MAPK9: variants seen among roughly 807,000 people sequenced by gnomAD.
MAPK9 encodes mitogen-activated protein kinase 9, also known as Jun kinase.
A neutral mutation model predicts 57.1 loss-of-function variants in MAPK9; 30 were observed. The observed-to-expected ratio is 0.53, with a 90% CI of 0.39 to 0.71. The LOEUF (loss-of-function observed/expected upper bound fraction) is 0.71, where lower values mean the gene tolerates loss of function less well. Ranked by LOEUF, MAPK9 falls within the 30% of genes least tolerant of loss-of-function variation. MAPK9 has a pLI of 0.00. For synonymous variants in MAPK9, 155 were observed against 177.0 expected, an observed-to-expected ratio of 0.88 and a Z score of 0.99; for missense variants, 362 against 521.0, an observed-to-expected ratio of 0.69 and a Z score of 2.97.
intron 2 of MAPK9, among the ~76,000 whole-genome samples, chr5:180,276,339 G>A (rs970858833): frequency 6.6e-6 from 1 of 152,088 alleles, no homozygotes; most frequent in African/African-American, 2.4e-5. Flanking sequence ...ACTCAATATT[G>A]AACACTTTTT....
intron 1 of MAPK9, 38 bp from the exon 2 acceptor site, chr5:180,280,646 G>A: frequency 1.3e-6 from 2 of 1,522,032 alleles, no homozygotes. Flanking sequence ...ATTCTTACCG[G>A]AAGTACATAC....
intron 11 of MAPK9, chr5:180,236,978 T>C (rs191260619): frequency 6.6e-6 from 1 of 152,366 alleles, no homozygotes; most frequent in African/African-American, 2.4e-5. Flanking sequence ...GCATCAACTT[T>C]CAAAGAAATC....
chr5:180,237,380 G>C (rs549742969), intron 11 of MAPK9: 1 of 152,116 alleles, frequency 6.6e-6, no homozygotes, highest in Admixed American at 6.5e-5. Flanking sequence ...TAACGTGAGC[G>C]TTTCATTTAG....
At chr5:180,277,318 A>C (rs1761911050) in intron 2 of MAPK9, among the ~76,000 whole-genome samples, 1 of 152,218 alleles carries the variant, frequency 6.6e-6, no homozygotes, top group Non-Finnish European at 1.5e-5. Flanking sequence ...CTCCTTCTGC[A>C]GGCTCTGGGG....
chr5:180,249,271 T>C, intron 5 of MAPK9, 133 bp from the exon 6 acceptor site: 1 of 849,070 alleles, frequency 1.2e-6, no homozygotes, highest in South Asian at 2.0e-5. Flanking sequence ...GGAACAACTT[T>C]GGAAAATCTT....
At chr5:180,271,928 A>G (rs964603709) in intron 2 of MAPK9, among the ~76,000 whole-genome samples, 7 of 152,236 alleles carry the variant, frequency 4.6e-5, no homozygotes, top group African/African-American at 1.7e-4. Context: ...CTAGATTATT[A>G]TTAGTTTTTA....
chr5:180,284,898 G>GTAAA (rs1434998000), intron 1 of MAPK9, among the ~76,000 whole-genome samples: 1 of 151,994 alleles, frequency 6.6e-6, no homozygotes, highest in African/African-American at 2.4e-5. Flanking sequence ...GCCCAGCTAC[G>GTAAA]TAAACACACA....
At chr5:180,256,553 G>T (rs1456422148) in intron 5 of MAPK9, among the ~76,000 whole-genome samples, 2 of 152,230 alleles carry the variant, frequency 1.3e-5, no homozygotes, top group African/African-American at 4.8e-5. Flanking sequence ...GGAAGCAGCA[G>T]GGAACAAGGT....
chr5:180,264,337 A>T (rs749008109), intron 4 of MAPK9, among the ~76,000 whole-genome samples: 13 of 152,198 alleles, frequency 8.5e-5, no homozygotes, highest in Non-Finnish European at 1.8e-4. Flanking sequence ...GTTGGGCATT[A>T]TGCCTCTCAA....
intron 2 of MAPK9, chr5:180,280,079 G>A (rs1437563331): frequency 6.6e-6 from 3 of 455,764 alleles, no homozygotes; most frequent in Admixed American, 4.7e-5. Flanking sequence ...GGGGAGGGGG[G>A]AAAAGGTGGC....
chr5:180,267,534 G>A (rs1228399116), intron 3 of MAPK9, among the ~76,000 whole-genome samples: 5 of 144,600 alleles, frequency 3.5e-5, no homozygotes, highest in East Asian at 2.0e-4. Context: ...TGCCCTCCAG[G>A]TTGGGCGACA....
At chr5:180,249,252 T>A (rs1269882021) in intron 5 of MAPK9, 114 bp from the exon 6 acceptor site, 1 of 980,312 alleles carries the variant, frequency 1.0e-6, no homozygotes, top group Admixed American at 3.4e-5. Context: ...AACTGAACTC[T>A]GAGATTTGGG....
Position 180,272,420 on chromosome 5 carries a change from C to T in MAPK9, c.123-3011G>A, listed in dbSNP as rs1017907834. 2.0e-4 allele frequency among the ~76,000 whole-genome samples: 30 copies of T among 152,334 alleles called. 1 individual carries two copies. Among genetic ancestry groups the T allele is most frequent in the African/African-American group, 7.2e-4 (30 of 41,584 alleles). ...GCCCGATACTGTACTGATTCCTTTG[C>T]TTCTTTTTTTGTTTCCCAGCTCAAT... On this transcript the variant is annotated intron_variant, in intron 2 of 11. Transcript: ENST00000452135.
chr5:180,243,948 A>G (rs865782123), intron 7 of MAPK9, among the ~76,000 whole-genome samples: 5 of 152,132 alleles, frequency 3.3e-5, no homozygotes, highest in Admixed American at 6.5e-5. Flanking sequence ...CCCGGGCTCA[A>G]GTAATTCTCG....
chr5:180,261,836 G>T lies in MAPK9; in HGVS notation c.312-14C>A. On this transcript the variant is annotated splice_polypyrimidine_tract_variant and intron_variant, in intron 4 of 11. Transcript: ENST00000452135. ...ATAACCAAATACCTGAGGGAGAAAA[G>T]GTCAGTTATTTATTTGAAAATTATC... 6.3e-7 allele frequency: 1 copy of T among 1,583,858 alleles called. No individual in the cohort carries two copies. The highest frequency in any genetic ancestry group is 8.6e-7 in the Non-Finnish European group (1 of 1,167,130).
Position 180,269,205 on chromosome 5 carries a change from T to G in MAPK9, c.252+75A>C. On this transcript the variant is annotated intron_variant, in intron 3 of 11. Transcript: ENST00000452135. ...TTATCCTAGGTCTGAACTCAATGTA[T>G]CTCCAGAAAACCCTGAAGATTACCA... is the stretch of plus-strand genomic sequence containing the variant. 1.2e-5 allele frequency: 18 copies of G among 1,452,376 alleles called. No individual in the cohort carries two copies. The South Asian group carries it at 2.2e-4, about 17-fold the overall frequency. The allele number at this position is 1,452,376 out of a possible 1,614,324, so 90.0% of individuals were successfully genotyped here. A position where few individuals can be genotyped will look rare whatever the true frequency, so the allele number is the denominator to read the frequency against.
rs1349321413 is a variant in MAPK9 at position 180,234,162 on chromosome 5, TG to T, written c.*2221del. On this transcript the variant is annotated 3_prime_UTR_variant, in exon 12 of 12. Transcript: ENST00000452135. ...ATACATGTCCAAAATAGTTACTTCC[TG>T]GGTTGTGTACAATATAAATTACAAA... 1 of 152,228 alleles carries T rather than the reference TG, an allele frequency of 6.6e-6. No homozygotes were observed. The highest frequency in any genetic ancestry group is 1.5e-5 in the Non-Finnish European group (1 of 68,032). The allele number at this position is 152,228 out of a possible 1,614,324, so 9.4% of individuals were successfully genotyped here.
chr5:180,250,642 AC>A (rs1467681349), intron 5 of MAPK9, among the ~76,000 whole-genome samples: 2 of 152,158 alleles, frequency 1.3e-5, no homozygotes, highest in Non-Finnish European at 2.9e-5. Flanking sequence ...TTCGACATTG[AC>A]AACAGGTACA....
chr5:180,250,820 C>T (rs976480731), intron 5 of MAPK9, among the ~76,000 whole-genome samples: 4 of 152,162 alleles, frequency 2.6e-5, no homozygotes, highest in Admixed American at 6.5e-5. Flanking sequence ...CAGACACCCC[C>T]GGTTCCCAGA....
Sources: allele counts gnomAD v4.1 joint callset (sites outside exome capture counted in the v4.1 genomes callset), GRCh38; gene constraint gnomAD v4.1.1; transcripts MANE v1.5; gene names NCBI Gene and HGNC (gene_info 2026-07-23, HGNC 2026-07-21).